Variants in GRIA4 observed in about 807,000 individuals in gnomAD.
GRIA4 encodes the protein glutamate ionotropic receptor AMPA type subunit 4.
Under a neutral mutation model 104.0 loss-of-function variants are expected in GRIA4, and 34 were observed. That is an observed-to-expected ratio of 0.33 (90% CI 0.25 to 0.44). The LOEUF is 0.44. GRIA4 is among the 20% of genes least tolerant of loss of function. The pLI is 1.00. For missense variants in GRIA4, 750 were observed against 1,096.5 expected (o/e 0.68, Z 4.46); for synonymous variants, 386 against 381.9 (o/e 1.01, Z -0.13).
At chr11:105,787,789 GTTTAACATTTAAAAAT>G (rs571821901) in intron 4 of GRIA4, among the ~76,000 whole-genome samples, 119 of 152,198 alleles carry the variant, frequency 7.8e-4, no homozygotes, top group African/African-American at 2.8e-3. Flanking sequence ...TATCACACAA[GTTTAACATTTAAAAAT>G]TTTGCTTAAC....
chr11:105,753,210 C>T lies in GRIA4; in HGVS notation c.477C>T (p.Asp159=). The T allele has an allele frequency of 6.2e-7, 1 of 1,612,894 alleles. No individual in the cohort carries two copies. The highest frequency in any genetic ancestry group is 8.5e-7 in the Non-Finnish European group (1 of 1,178,974). ...GGAACTGTTTTGTCTTCCTGTATGA[C>T]ACAGACAGGGGTAAGTCCAGTTTCT... ...YEWNCFVFLY[D]TDRGYSILQA... is the part of the protein sequence containing the mutation. Residue 159 remains aspartate (D), a synonymous_variant, in exon 4 of 17, where the codon GAC becomes GAT. Transcript: ENST00000282499.
At chr11:105,817,480 T>C (rs2135891176) in intron 4 of GRIA4, among the ~76,000 whole-genome samples, 1 of 151,710 alleles carries the variant, frequency 6.6e-6, no homozygotes, top group East Asian at 1.9e-4. Flanking sequence ...AGTAAAGTAA[T>C]AGTTTTTAAA....
intron 4 of GRIA4, among the ~76,000 whole-genome samples, chr11:105,789,169 C>A (rs1942106214): frequency 6.6e-6 from 1 of 151,994 alleles, no homozygotes; most frequent in African/African-American, 2.4e-5. Context: ...ACAGATAGAA[C>A]TGGTAAAAAC....
At chr11:105,755,321 A>G (rs1239010670) in intron 4 of GRIA4, among the ~76,000 whole-genome samples, 2 of 152,198 alleles carry the variant, frequency 1.3e-5, no homozygotes, top group African/African-American at 4.8e-5. Context: ...ACACCTTTAA[A>G]TGACATGCCT....
At chr11:105,805,030 C>T (rs1051487460) in intron 4 of GRIA4, among the ~76,000 whole-genome samples, 1 of 151,924 alleles carries the variant, frequency 6.6e-6, no homozygotes, top group Admixed American at 6.6e-5. Flanking sequence ...GGACTATGCC[C>T]TCTTAGACAC....
intron 4 of GRIA4, among the ~76,000 whole-genome samples, chr11:105,858,699 A>T (rs746646214): frequency 1.3e-5 from 2 of 151,968 alleles, no homozygotes; most frequent in African/African-American, 4.8e-5. Context: ...TCATTCTACT[A>T]TCTCCAATAA....
intron 3 of GRIA4, among the ~76,000 whole-genome samples, chr11:105,641,189 C>T (rs1951349148): frequency 6.6e-6 from 1 of 151,974 alleles, no homozygotes; most frequent in African/African-American, 2.4e-5. Context: ...TAGTGAGTAA[C>T]TAGTAAGAAT....
At chr11:105,692,415 T>A (rs1014674051) in intron 3 of GRIA4, among the ~76,000 whole-genome samples, 23 of 152,184 alleles carry the variant, frequency 1.5e-4, no homozygotes, top group Admixed American at 6.5e-5. Flanking sequence ...ATGTTAAATA[T>A]CACTGGAACA....
At chr11:105,947,414 T>C (rs2136234582) in intron 14 of GRIA4, among the ~76,000 whole-genome samples, 1 of 152,214 alleles carries the variant, frequency 6.6e-6, no homozygotes, top group East Asian at 1.9e-4. Context: ...CTTTATGTGT[T>C]AGAATTTGAT....
chr11:105,725,509 A>G (rs545568885), intron 3 of GRIA4, among the ~76,000 whole-genome samples: 1 of 152,274 alleles, frequency 6.6e-6, no homozygotes, highest in South Asian at 2.1e-4. Context: ...GGTGTCAGAA[A>G]CCTCATCATG....
At chr11:105,970,066 C>G (rs654035) in intron 14 of GRIA4, among the ~76,000 whole-genome samples, 98,308 of 151,770 alleles carry the variant, frequency 0.65, 31,872 homozygotes, top group Middle Eastern at 0.72. Flanking sequence ...CCAGGCACCC[C>G]AATTAACCAT....
At chr11:105,808,400 G>T (rs981059720) in intron 4 of GRIA4, among the ~76,000 whole-genome samples, 1 of 152,054 alleles carries the variant, frequency 6.6e-6, no homozygotes, top group Non-Finnish European at 1.5e-5. Flanking sequence ...AGAAGAGAGA[G>T]AAAAGGCAAG....
At chr11:105,836,866 T>C (rs115832084) in intron 4 of GRIA4, among the ~76,000 whole-genome samples, 1 of 152,206 alleles carries the variant, frequency 6.6e-6, no homozygotes, top group South Asian at 2.1e-4. Flanking sequence ...TTATATTTTA[T>C]GTGTATGATA....
intron 10 of GRIA4, chr11:105,911,944 T>C (rs374607166): frequency 1.3e-6 from 2 of 1,540,908 alleles, no homozygotes; most frequent in East Asian, 2.3e-5. Flanking sequence ...GTTCGACCAT[T>C]CCTAACTAAG....
At position 105,862,150 on chromosome 11, in the gene GRIA4, A is replaced by G. The variant is rs769158689; in HGVS notation, c.614A>G (p.Gln205Arg). Residue 205 changes from glutamine (Q) to arginine (R), a missense_variant, in exon 5 of 17, where the codon CAA becomes CGA. Gln to Arg is a conservative substitution (Grantham distance 43). This residue lies in a region of GRIA4 where 410 missense variants were observed against 502.7 expected (regional missense o/e 0.82). Coordinates refer to ENST00000282499, the MANE Select transcript of GRIA4 (RefSeq NM_000829.4). The stretch of plus-strand genomic sequence containing the variant: ...CTTCTAGAAGAACTTGACAGAAGAC[A>G]AGAGAAGAAGTTTGTAATAGACTGT... Reference protein sequence around the residue: ...RQLLEELDRRQEKKFVIDCEI... With the variant: ...RQLLEELDRRREKKFVIDCEI... 4.4e-6 allele frequency: 7 copies of G among 1,607,972 alleles called. No homozygotes were observed. The Admixed American group carries it at 6.7e-5, about 15-fold the overall frequency.
intron 3 of GRIA4, among the ~76,000 whole-genome samples, chr11:105,663,759 T>C (rs995995799): frequency 2.0e-5 from 3 of 151,874 alleles, no homozygotes; most frequent in Non-Finnish European, 4.4e-5. Context: ...GGCTGGAAAG[T>C]AGGGTCCATT....
chr11:105,908,385 T>C (rs533000400), intron 9 of GRIA4, among the ~76,000 whole-genome samples: 6 of 152,238 alleles, frequency 3.9e-5, no homozygotes, highest in African/African-American at 1.4e-4. Context: ...ATGGGAAAAG[T>C]TCTTAATAAA....
chr11:105,777,577 T>G (rs1253065472), intron 4 of GRIA4, among the ~76,000 whole-genome samples: 1 of 152,190 alleles, frequency 6.6e-6, no homozygotes, highest in African/African-American at 2.4e-5. Context: ...TAAAATTGTT[T>G]CAATGGTACC....
At chr11:105,710,272 T>C (rs1332550408) in intron 3 of GRIA4, among the ~76,000 whole-genome samples, 2 of 152,060 alleles carry the variant, frequency 1.3e-5, no homozygotes, top group Non-Finnish European at 2.9e-5. Flanking sequence ...ATCTCTGTAG[T>C]AAAAAGAAAC....
Sources: gnomAD v4.1 joint callset for allele counts (sites outside exome capture counted in the v4.1 genomes callset) on GRCh38, gnomAD v4.1.1 for gene constraint, gnomAD v4.1.1 regional missense constraint, MANE v1.5 for transcripts, NCBI Gene and HGNC (gene_info 2026-07-23, HGNC 2026-07-21) for gene names.